UGT1A4: variants seen among roughly 807,000 people sequenced by gnomAD.
UGT1A4 encodes UDP glucuronosyltransferase family 1 member A4, also known as UDP-glucuronosyltransferase 1A4.
UGT1A4 carries 32 observed loss-of-function variants against 41.1 expected under a neutral mutation model. The observed-to-expected ratio is 0.78, with a 90% CI of 0.59 to 1.05. UGT1A4 has a LOEUF of 1.05. UGT1A4 is among the 50% of genes least tolerant of loss of function. The pLI, the probability that UGT1A4 is intolerant of heterozygous loss-of-function variation, is 0.00. For synonymous variants in UGT1A4, 283 were observed against 265.1 expected (o/e 1.07, Z -0.66); for missense variants, 748 against 677.4 (o/e 1.10, Z -1.16).
At chr2:233,729,900 A>G in intron 1 of UGT1A4, 1 of 1,613,884 alleles carries the variant, frequency 6.2e-7, no homozygotes, top group Non-Finnish European at 8.5e-7. Flanking sequence ...GGCTGTTCCG[A>G]GGGGACTTTG....
chr2:233,730,143 C>G, intron 1 of UGT1A4: 1 of 1,515,100 alleles, frequency 6.6e-7, no homozygotes, highest in African/African-American at 1.4e-5. Flanking sequence ...GTGAGATAAA[C>G]TGTTAAGGGG....
At chr2:233,755,174 G>A (rs868590389) in intron 1 of UGT1A4, 74 of 1,248,738 alleles carry the variant, frequency 5.9e-5, no homozygotes, top group Non-Finnish European at 7.6e-5. Flanking sequence ...GGTTTTTGTC[G>A]GGGTGCCACT....
At position 233,772,427 on chromosome 2, in the gene UGT1A4, C is replaced by A; in HGVS notation, c.1473C>A (p.Asp491Glu). The A allele has an allele frequency of 1.2e-6, 2 of 1,614,222 alleles. No individual in the cohort carries two copies. The highest frequency in any genetic ancestry group is 1.7e-6 in the Non-Finnish European group (2 of 1,180,048). ...CCTGGTACCAGTACCATTCCTTGGA[C>A]GTGATTGGTTTCCTCTTGGCCGTCG... is the stretch of plus-strand genomic sequence containing the variant. ...DLTWYQYHSL[D>E]VIGFLLAVVL... Residue 491 changes from aspartate to glutamate, a missense_variant, in exon 5 of 5, where the codon GAC becomes GAA. Physicochemically the swap from Asp to Glu is conservative, Grantham distance 45 (BLOSUM62 2). Transcript: ENST00000373409.
chr2:233,761,212 G>A (rs1200424446), intron 1 of UGT1A4: 5 of 1,613,556 alleles, frequency 3.1e-6, no homozygotes, highest in Non-Finnish European at 2.5e-6. Flanking sequence ...ACTTTGGATC[G>A]ATTAACTAGC....
At chr2:233,742,415 C>A (rs1691970237) in intron 1 of UGT1A4, among the ~76,000 whole-genome samples, 1 of 151,952 alleles carries the variant, frequency 6.6e-6, no homozygotes, top group Non-Finnish European at 1.5e-5. Context: ...TTAGGAACAC[C>A]TTAAGCGGTT....
chr2:233,748,177 G>A, intron 1 of UGT1A4: 1 of 1,581,678 alleles, frequency 6.3e-7, no homozygotes, highest in Middle Eastern at 2.3e-4. Context: ...TTATCTTTCT[G>A]GTGCTTTTAT....
chr2:233,751,853 G>A (rs1265924436), intron 1 of UGT1A4, among the ~76,000 whole-genome samples: 1 of 152,032 alleles, frequency 6.6e-6, no homozygotes, highest in Admixed American at 6.5e-5. Context: ...TTAAACCTTT[G>A]TCTTTTATAA....
intron 1 of UGT1A4, among the ~76,000 whole-genome samples, chr2:233,730,853 A>G (rs560522362): frequency 1.1e-4 from 17 of 152,196 alleles, no homozygotes; most frequent in Non-Finnish European, 2.1e-4. Context: ...ACATCACCAA[A>G]CCCACCCTAC....
At chr2:233,737,834 G>C (rs1690605119) in intron 1 of UGT1A4, among the ~76,000 whole-genome samples, 1 of 151,982 alleles carries the variant, frequency 6.6e-6, no homozygotes, top group Admixed American at 6.5e-5. Context: ...ATTGGGAACT[G>C]TGGCACAGGT....
chr2:233,729,936 G>T lies in UGT1A4; in HGVS notation c.867+10249G>T, dbSNP rs1335744695. On this transcript the variant is annotated intron_variant, in intron 1 of 4. Transcript: ENST00000373409. ...TGATGGACTACCCCAGGCCAATCAT[G>T]CCCAACATGGTCTTCATTGGGGGCA... 5 of 1,613,890 alleles carry T rather than the reference G, an allele frequency of 3.1e-6. No individual in the cohort carries two copies. In the African/African-American group the frequency reaches 6.7e-5, roughly 22 times the overall value.
intron 4 of UGT1A4, among the ~76,000 whole-genome samples, chr2:233,768,959 C>T (rs1259546166): frequency 6.6e-6 from 1 of 152,056 alleles, no homozygotes; most frequent in African/African-American, 2.4e-5. Flanking sequence ...TATAATTTAT[C>T]ATATAATTTA....
At chr2:233,759,575 A>C (rs1346908637) in intron 1 of UGT1A4, among the ~76,000 whole-genome samples, 4 of 151,412 alleles carry the variant, frequency 2.6e-5, no homozygotes, top group South Asian at 2.1e-4. Context: ...GTCATTCTCT[A>C]CCCCAGCACG....
chr2:233,766,884 A>G, intron 1 of UGT1A4, 150 bp from the exon 2 acceptor site: 2 of 1,457,402 alleles, frequency 1.4e-6, no homozygotes, highest in Non-Finnish European at 1.8e-6. Context: ...ATGCTGTAAA[A>G]CTTACATATT....
rs537677937 is a variant in UGT1A4, at chr2:233,740,168, A to T, written c.867+20481A>T. On this transcript the variant is annotated intron_variant, in intron 1 of 4. Transcript: ENST00000373409. ...CCTGAGGCCTCCCCAGTCATGTGGA[A>T]CTGTGAGTCAATTAAACCTCTTTCT... Among the ~76,000 whole-genome samples the T allele has an allele frequency of 6.6e-5, 10 of 151,934 alleles. No homozygotes were observed. In the East Asian group the frequency reaches 9.6e-4, roughly 15 times the overall value.
intron 1 of UGT1A4, chr2:233,753,490 A>T (rs1695218587): frequency 6.6e-6 from 1 of 152,072 alleles, no homozygotes. Context: ...GCTGCTCTTA[A>T]TTTTTTTCAG....
intron 1 of UGT1A4, among the ~76,000 whole-genome samples, chr2:233,728,656 G>A (rs187762667): frequency 2.0e-5 from 3 of 152,180 alleles, no homozygotes; most frequent in African/African-American, 4.8e-5. Flanking sequence ...TTTTGGATGC[G>A]CTGCGTTACT....
intron 1 of UGT1A4, among the ~76,000 whole-genome samples, chr2:233,766,404 G>A (rs990056235): frequency 5.3e-5 from 8 of 152,282 alleles, no homozygotes; most frequent in Non-Finnish European, 1.0e-4. Context: ...GCGTCCCTCC[G>A]CTGATGTGCT....
At chr2:233,733,983 C>A (rs1268250784) in intron 1 of UGT1A4, among the ~76,000 whole-genome samples, 1 of 151,994 alleles carries the variant, frequency 6.6e-6, no homozygotes, top group African/African-American at 2.4e-5. Context: ...GGAGGGATAG[C>A]ATTAGGAGAT....
At position 233,757,535 on chromosome 2, in the gene UGT1A4, AATAT is replaced by A. The variant is rs67292694; in HGVS notation, c.868-9476_868-9473del. On this transcript the variant is annotated intron_variant, in intron 1 of 4. Coordinates refer to ENST00000373409, the MANE Select transcript of UGT1A4 (RefSeq NM_007120.3). Reference sequence around the variant, plus strand: ...CAAAGCCAAAATCTTGCCTGTAAGGAATATATATATATATATATATATATATGTA... The same window carrying A: ...CAAAGCCAAAATCTTGCCTGTAAGGAATATATATATATATATATATATGTA... Among the ~76,000 whole-genome samples, 85 of 88,296 alleles carry A rather than the reference AATAT, an allele frequency of 9.6e-4. 5 individuals carry two copies. The highest frequency in any genetic ancestry group is 3.6e-3 in the African/African-American group (72 of 19,936). 57.9% of individuals were successfully genotyped at this position (88,296 alleles called of 152,430 possible).
Sources: allele counts gnomAD v4.1 joint callset (sites outside exome capture counted in the v4.1 genomes callset), GRCh38; gene constraint gnomAD v4.1.1; transcripts MANE v1.5; gene names NCBI Gene and HGNC (gene_info 2026-07-23, HGNC 2026-07-21).